Variants in XPA observed in about 807,000 individuals in gnomAD.
XPA encodes the protein XPA, DNA damage recognition and repair factor.
A neutral mutation model predicts 35.7 loss-of-function variants in XPA; 27 were observed. That is an observed-to-expected ratio of 0.76 (90% confidence interval 0.56 to 1.04). XPA has a LOEUF of 1.04. Among genes scored for constraint, XPA ranks in the 50% least tolerant of loss-of-function variants. The pLI is 0.00. For synonymous variants in XPA, 133 were observed against 118.4 expected (o/e 1.12, Z -0.80); for missense variants, 354 against 342.7 (o/e 1.03, Z -0.26).
the XPA span, chr9:97,666,824 A>T: frequency 6.2e-7 from 1 of 1,610,772 alleles, no homozygotes; most frequent in Non-Finnish European, 8.5e-7. Context: ...TGTCCTGAAG[A>T]TCCAGAAAGA....
At chr9:97,669,585 C>G in the XPA span, 20 of 1,586,302 alleles carry the variant, frequency 1.3e-5, no homozygotes, top group South Asian at 2.2e-5. Flanking sequence ...CTTCTTCTCC[C>G]TTTCCAGCGG....
chr9:97,664,750 C>G, the XPA span, among the ~76,000 whole-genome samples: 1 of 152,144 alleles, frequency 6.6e-6, no homozygotes, highest in Non-Finnish European at 1.5e-5. Flanking sequence ...TGTGCAGAGT[C>G]TCAGCTAGTC....
At chr9:97,696,977 C>A in intron 1 of XPA, 144 bp downstream of exon 1, 2 of 1,150,192 alleles carry the variant, frequency 1.7e-6, no homozygotes, top group South Asian at 3.3e-5. Flanking sequence ...TGGGCGGATT[C>A]CCTCTCCGAC....
intron 3 of XPA, 102 bp downstream of exon 3, chr9:97,689,428 AATTC>A: frequency 1.3e-6 from 1 of 764,566 alleles, no homozygotes. Context: ...CCCAAAATGA[AATTC>A]ATAATTACTA....
chr9:97,674,855 T>C (rs193037655), downstream of XPA: 1 of 423,844 alleles, frequency 2.4e-6, no homozygotes, highest in East Asian at 4.8e-5. Flanking sequence ...TAAAAAGCTA[T>C]CTAGACTAAT....
At chr9:97,681,682 A>G (rs1446885167) in intron 5 of XPA, among the ~76,000 whole-genome samples, 2 of 152,230 alleles carry the variant, frequency 1.3e-5, no homozygotes, top group African/African-American at 4.8e-5. Context: ...CATTTGAACC[A>G]GCTGAACGTT....
intron 1 of XPA, 92 bp from the exon 2 acceptor site, chr9:97,693,851 T>G: frequency 8.8e-7 from 1 of 1,139,920 alleles, no homozygotes; most frequent in Admixed American, 1.8e-5. Flanking sequence ...GAATTCAATA[T>G]ATCTCAAACA....
At chr9:97,662,708 C>T in the XPA span, among the ~76,000 whole-genome samples, 58 of 152,182 alleles carry the variant, frequency 3.8e-4, no homozygotes, top group Non-Finnish European at 7.6e-4. Flanking sequence ...TTAGTCCTTA[C>T]CTATTCTTTT....
chr9:97,671,006 T>G (rs1300329159), downstream of XPA: 1 of 850,154 alleles, frequency 1.2e-6, no homozygotes, highest in Non-Finnish European at 1.9e-6. Flanking sequence ...GCAGCATGGG[T>G]GGGCTGCTGA....
At chr9:97,690,622 G>A (rs565776415) in intron 2 of XPA, among the ~76,000 whole-genome samples, 26 of 152,206 alleles carry the variant, frequency 1.7e-4, no homozygotes, top group African/African-American at 5.5e-4. Context: ...TCCTAACCTC[G>A]TGATCCACCC....
chr9:97,666,425 A>G, the XPA span, among the ~76,000 whole-genome samples: 99 of 152,340 alleles, frequency 6.5e-4, 1 homozygote, highest in African/African-American at 2.3e-3. Context: ...CATTTAGGAG[A>G]GGAAAAATGT....
Position 97,675,361 on chromosome 9 carries a change from T to G in XPA, c.*78A>C. On this transcript the variant is annotated 3_prime_UTR_variant, in exon 6 of 6. Coordinates refer to ENST00000375128, the MANE Select transcript of XPA (RefSeq NM_000380.4). ...TCTATGAAGATGTTGCTTTTTTTTTTGAATTTTGAAAAGGACCAATCTAAA... is the reference window on the plus strand; with the variant it reads ...TCTATGAAGATGTTGCTTTTTTTTTGGAATTTTGAAAAGGACCAATCTAAA... 3.5e-6 allele frequency: 5 copies of G among 1,437,622 alleles called. No homozygotes were observed. The highest frequency in any genetic ancestry group is 4.7e-6 in the Non-Finnish European group (5 of 1,066,334). 89.1% of individuals were successfully genotyped at this position (1,437,622 alleles called of 1,614,324 possible).
At chr9:97,661,929 T>G in the XPA span, 6 of 576,428 alleles carry the variant, frequency 1.0e-5, no homozygotes, top group Non-Finnish European at 1.4e-5. Context: ...CCAAAAAACA[T>G]TACACAAATA....
Position 97,675,508 on chromosome 9 carries a change from G to GTTT in XPA, c.750_752dup (p.Glu250_Asn251insLys), listed in dbSNP as rs1256798209. The GTTT allele has an allele frequency of 6.2e-7, 1 of 1,613,634 alleles. No individual in the cohort carries two copies. Among genetic ancestry groups the GTTT allele is most frequent in the Non-Finnish European group, 8.5e-7 (1 of 1,179,932 alleles). On this transcript the variant is annotated inframe_insertion, in exon 6 of 6. Transcript: ENST00000375128. ...TCTTACGGTACATGTCATCTTCTAGGTTTTCTTCTGGTCCATACTCATGTT... is the reference window on the plus strand; with the variant it reads ...TCTTACGGTACATGTCATCTTCTAGGTTTTTTTCTTCTGGTCCATACTCATGTT...
At chr9:97,664,178 C>CA in the XPA span, among the ~76,000 whole-genome samples, 3 of 150,650 alleles carry the variant, frequency 2.0e-5, no homozygotes, top group Non-Finnish European at 4.4e-5. Flanking sequence ...CTCTGTCTCC[C>CA]AAAAAAAAGA....
At chr9:97,660,931 C>A in the XPA span, 1 of 1,604,706 alleles carries the variant, frequency 6.2e-7, no homozygotes, top group Non-Finnish European at 8.5e-7. Context: ...CCCTTACCCC[C>A]AATTCTGTGT....
At chr9:97,684,736 G>A (rs949659921) in intron 5 of XPA, among the ~76,000 whole-genome samples, 187 bp downstream of exon 5, 1 of 152,054 alleles carries the variant, frequency 6.6e-6, no homozygotes, top group Non-Finnish European at 1.5e-5. Flanking sequence ...CAGAAATGTC[G>A]TACTGTGAGG....
intron 5 of XPA, among the ~76,000 whole-genome samples, chr9:97,679,550 TA>T (rs60116923): frequency 2.0e-5 from 3 of 151,364 alleles, no homozygotes; most frequent in East Asian, 3.9e-4. Context: ...AGCTGATGCT[TA>T]AAAAAAAATC....
the XPA span, chr9:97,654,994 G>T: frequency 4.4e-6 from 6 of 1,362,402 alleles, no homozygotes; most frequent in Non-Finnish European, 5.9e-6. Context: ...TTTACTTCCT[G>T]TACTTCATAA....
Sources: gnomAD v4.1 joint callset for allele counts (sites outside exome capture counted in the v4.1 genomes callset) on GRCh38, gnomAD v4.1.1 for gene constraint, MANE v1.5 for transcripts, NCBI Gene and HGNC (gene_info 2026-07-23, HGNC 2026-07-21) for gene names.